STPG2: variants seen among roughly 807,000 people sequenced by gnomAD.
The protein encoded by STPG2 is sperm-tail PG-rich repeat-containing protein 2.
In STPG2, 56 loss-of-function variants were observed where a neutral mutation model predicts 54.2. That is an observed-to-expected ratio of 1.03 (90% CI 0.83 to 1.29). STPG2 has a LOEUF of 1.29. Ranked by LOEUF, STPG2 falls within the 50% of genes most tolerant of loss-of-function variation. STPG2 has a pLI of 0.00. For missense variants in STPG2, 596 were observed against 544.9 expected (o/e 1.09, Z -0.93); for synonymous variants, 200 against 181.8 (o/e 1.10, Z -0.81).
chr4:97,765,865 A>G (rs1726031123), intron 9 of STPG2, among the ~76,000 whole-genome samples: 1 of 152,154 alleles, frequency 6.6e-6, no homozygotes, highest in Non-Finnish European at 1.5e-5. Flanking sequence ...TAAATATTTA[A>G]TGAGTGGGCA....
intron 3 of STPG2, among the ~76,000 whole-genome samples, chr4:98,114,159 G>A (rs1423287454): frequency 6.6e-6 from 1 of 152,102 alleles, no homozygotes; most frequent in Non-Finnish European, 1.5e-5. Context: ...TCTTGCTAAA[G>A]TAAGTGCTCC....
chr4:97,511,898 C>T (rs1432880513), intron 4 of STPG2, among the ~76,000 whole-genome samples: 1 of 151,848 alleles, frequency 6.6e-6, no homozygotes, highest in East Asian at 1.9e-4. Context: ...GAAAAGCATG[C>T]CATATTTGGA....
In STPG2 at chr4:97,611,417, T is replaced by G. The variant is rs112509339; in HGVS notation, c.1321-52300A>C. ...GAGATGCTAATTTGGGAAATAAAAATTCCAGTAAACAATATCTAGGCTTTT... is the reference window on the plus strand; with the variant it reads ...GAGATGCTAATTTGGGAAATAAAAAGTCCAGTAAACAATATCTAGGCTTTT... On this transcript the variant is annotated intron_variant, in intron 10 of 10. Transcript: ENST00000295268. 5.4e-3 allele frequency among the ~76,000 whole-genome samples: 816 copies of G among 151,920 alleles called. 6 individuals carry two copies. The highest frequency in any genetic ancestry group is 0.02 in the Middle Eastern group (6 of 294).
intron 5 of STPG2, among the ~76,000 whole-genome samples, chr4:98,003,109 G>T (rs938902024): frequency 2.6e-5 from 4 of 151,998 alleles, no homozygotes; most frequent in Non-Finnish European, 5.9e-5. Flanking sequence ...TACAAATAGT[G>T]CCAACAGTTT....
At position 98,034,736 on chromosome 4, in the gene STPG2, G is replaced by A. The variant is rs115270430; in HGVS notation, c.613-53418C>T. On this transcript the variant is annotated intron_variant, in intron 5 of 10. Transcript: ENST00000295268. Reference sequence around the variant, plus strand: ...ACAGTAACCAAAACAGCATATTACCGTACCAAAACAGATATATAGACCAAT... The same window carrying A: ...ACAGTAACCAAAACAGCATATTACCATACCAAAACAGATATATAGACCAAT... 5.4e-3 allele frequency among the ~76,000 whole-genome samples: 815 copies of A among 152,156 alleles called. 10 individuals are homozygous for A. Among genetic ancestry groups the A allele is most frequent in the African/African-American group, 0.019 (770 of 41,502 alleles).
intron 5 of STPG2, among the ~76,000 whole-genome samples, chr4:97,984,408 G>C (rs952901316): frequency 5.3e-5 from 8 of 152,078 alleles, no homozygotes; most frequent in Non-Finnish European, 7.4e-5. Context: ...GCCTCCCAAA[G>C]TCTTGGGATT....
chr4:97,753,647 A>G (rs980049107), intron 9 of STPG2, among the ~76,000 whole-genome samples: 1 of 152,014 alleles, frequency 6.6e-6, no homozygotes, highest in Non-Finnish European at 1.5e-5. Flanking sequence ...CCAGTAATGC[A>G]CGAGGGTTTC....
intron 6 of STPG2, among the ~76,000 whole-genome samples, chr4:97,978,560 C>T (rs1241005689): frequency 1.3e-5 from 2 of 152,008 alleles, no homozygotes; most frequent in African/African-American, 4.8e-5. Context: ...CTAATGGGTA[C>T]TAGGATTAAT....
chr4:98,023,682 C>G (rs1338555228), intron 5 of STPG2, among the ~76,000 whole-genome samples: 1 of 152,122 alleles, frequency 6.6e-6, no homozygotes, highest in African/African-American at 2.4e-5. Context: ...TGGGCTCCAC[C>G]CAGTTCGAGC....
chr4:97,634,199 C>G (rs10010517), intron 10 of STPG2, among the ~76,000 whole-genome samples: 3,632 of 152,144 alleles, frequency 0.024, 61 homozygotes, highest in Middle Eastern at 0.051. Flanking sequence ...CCCCCGAGCA[C>G]CCTAACTGGG....
chr4:97,886,196 C>T (rs534074809), intron 8 of STPG2, among the ~76,000 whole-genome samples: 4 of 151,914 alleles, frequency 2.6e-5, no homozygotes, highest in Non-Finnish European at 5.9e-5. Flanking sequence ...GTGGCAAAAT[C>T]GAAGTGTATT....
At chr4:97,658,885 C>A (rs1490272984) in intron 10 of STPG2, among the ~76,000 whole-genome samples, 2 of 152,240 alleles carry the variant, frequency 1.3e-5, no homozygotes, top group Admixed American at 6.5e-5. Flanking sequence ...AATGCATATG[C>A]TATAGAAATA....
At chr4:97,990,748 T>TCA (rs1734976372) in intron 5 of STPG2, among the ~76,000 whole-genome samples, 1 of 152,158 alleles carries the variant, frequency 6.6e-6, no homozygotes, top group African/African-American at 2.4e-5. Context: ...AACAGGTTAT[T>TCA]TATGGCATCT....
intron 10 of STPG2, among the ~76,000 whole-genome samples, chr4:97,598,077 T>C (rs1733347055): frequency 6.6e-6 from 1 of 151,802 alleles, no homozygotes. Context: ...ATCAGTAGCA[T>C]TCTCATACAC....
chr4:97,540,618 T>A (rs890762039), intron 4 of STPG2, among the ~76,000 whole-genome samples: 4 of 150,088 alleles, frequency 2.7e-5, no homozygotes, highest in African/African-American at 9.7e-5. Flanking sequence ...CTCCCTCTTT[T>A]ATGAGGCCAG....
At chr4:97,615,234 A>G (rs1578425600) in intron 10 of STPG2, among the ~76,000 whole-genome samples, 1 of 152,088 alleles carries the variant, frequency 6.6e-6, no homozygotes, top group Admixed American at 6.6e-5. Context: ...CTCAAACTAG[A>G]TCTTGTTCAG....
chr4:97,625,830 T>G (rs766449462), intron 10 of STPG2, among the ~76,000 whole-genome samples: 5 of 152,156 alleles, frequency 3.3e-5, no homozygotes, highest in Non-Finnish European at 7.3e-5. Flanking sequence ...GAACCAAGCC[T>G]CCCACCAGCC....
intron 9 of STPG2, among the ~76,000 whole-genome samples, chr4:97,811,554 G>T (rs890420575): frequency 1.3e-5 from 2 of 151,102 alleles, no homozygotes; most frequent in Non-Finnish European, 3.0e-5. Context: ...AAAAAAAAAT[G>T]TTATATAAGT....
intron 5 of STPG2, among the ~76,000 whole-genome samples, chr4:98,035,241 C>A (rs1736734726): frequency 1.3e-5 from 2 of 152,006 alleles, no homozygotes; most frequent in African/African-American, 2.4e-5. Flanking sequence ...AGAACTTAAA[C>A]AAATTTACAA....
Sources: gnomAD v4.1 joint callset for allele counts (sites outside exome capture counted in the v4.1 genomes callset) on GRCh38, gnomAD v4.1.1 for gene constraint, MANE v1.5 for transcripts, NCBI Gene and HGNC (gene_info 2026-07-23, HGNC 2026-07-21) for gene names.